Variants in AFG1L observed in about 807,000 individuals in gnomAD.
AFG1L encodes the protein AFG1 like ATPase, also known as AFG1-like ATPase.
AFG1L carries 53 observed loss-of-function variants against 62.2 expected under a neutral mutation model. That is an observed-to-expected ratio of 0.85 (90% CI 0.68 to 1.07). The LOEUF is 1.07. Ranked by LOEUF, AFG1L falls within the 50% of genes least tolerant of loss-of-function variation. AFG1L has a pLI of 0.00. For synonymous variants in AFG1L, 228 were observed against 210.3 expected, an observed-to-expected ratio of 1.08 and a Z score of -0.73; for missense variants, 555 against 590.5, an observed-to-expected ratio of 0.94 and a Z score of 0.62.
intron 6 of AFG1L, among the ~76,000 whole-genome samples, chr6:108,398,303 T>C (rs906456398): frequency 2.6e-5 from 4 of 152,238 alleles, no homozygotes; most frequent in Non-Finnish European, 4.4e-5. Context: ...TCAGATTTAT[T>C]AGATTTTTTC....
chr6:108,353,820 G>C (rs1779169326), intron 3 of AFG1L, among the ~76,000 whole-genome samples: 1 of 152,004 alleles, frequency 6.6e-6, no homozygotes, highest in African/African-American at 2.4e-5. Flanking sequence ...GAATATTTTT[G>C]CAATGAATGA....
At chr6:108,391,717 A>G (rs375924394) in intron 6 of AFG1L, among the ~76,000 whole-genome samples, 2 of 152,130 alleles carry the variant, frequency 1.3e-5, no homozygotes, top group East Asian at 3.8e-4. Context: ...GCCAATGTCT[A>G]GAAGGGTTTT....
In AFG1L at chr6:108,482,927, C is replaced by G. The variant is rs188112657; in HGVS notation, c.1062+5635C>G. On this transcript the variant is annotated intron_variant, in intron 10 of 12. Coordinates refer to ENST00000368977, the MANE Select transcript of AFG1L (RefSeq NM_145315.5). ...TTGCCCTAAAGTTATTCTTTCTCCC[C>G]CTTTCCACAGTGTACTCGTTGGCAG... Among the ~76,000 whole-genome samples, 17 of 152,216 alleles carry G rather than the reference C, an allele frequency of 1.1e-4. No homozygotes were observed. In the East Asian group the frequency reaches 3.1e-3, roughly 28 times the overall value.
chr6:108,497,015 T>C (rs924457662), intron 10 of AFG1L, among the ~76,000 whole-genome samples: 2 of 152,208 alleles, frequency 1.3e-5, no homozygotes, highest in Non-Finnish European at 2.9e-5. Flanking sequence ...TGTTATCAGA[T>C]ATTAAAGTTG....
At chr6:108,330,189 T>TTA (rs1425276407) in intron 2 of AFG1L, among the ~76,000 whole-genome samples, 1 of 149,274 alleles carries the variant, frequency 6.7e-6, no homozygotes, top group Non-Finnish European at 1.5e-5. Context: ...TTTATTTTTT[T>TTA]TTTTTTTTTG....
intron 7 of AFG1L, among the ~76,000 whole-genome samples, chr6:108,402,291 C>T (rs558989864): frequency 5.3e-5 from 8 of 151,946 alleles, no homozygotes; most frequent in South Asian, 2.1e-4. Context: ...GGTGAAACCC[C>T]GTCTCTATTA....
chr6:108,332,118 T>C (rs548237775), intron 2 of AFG1L, among the ~76,000 whole-genome samples: 46 of 152,340 alleles, frequency 3.0e-4, no homozygotes, highest in Admixed American at 5.2e-4. Flanking sequence ...TAAATAACTG[T>C]ATTCCAATAA....
intron 2 of AFG1L, among the ~76,000 whole-genome samples, chr6:108,332,083 A>G (rs1778296664): frequency 1.3e-5 from 2 of 152,206 alleles, no homozygotes; most frequent in Non-Finnish European, 2.9e-5. Context: ...CTACCATTGC[A>G]CTCAGAGCAG....
chr6:108,509,432 A>C (rs571392912), intron 10 of AFG1L, among the ~76,000 whole-genome samples: 1 of 152,236 alleles, frequency 6.6e-6, no homozygotes, highest in Non-Finnish European at 1.5e-5. Flanking sequence ...GATGATTTTC[A>C]TACTGAAGCA....
intron 5 of AFG1L, among the ~76,000 whole-genome samples, chr6:108,361,522 A>G (rs1315244577): frequency 4.0e-5 from 6 of 151,700 alleles, no homozygotes. Flanking sequence ...AGGACGGGGT[A>G]ACTATGTTTG....
chr6:108,463,045 G>T (rs921602949), intron 8 of AFG1L, among the ~76,000 whole-genome samples: 5 of 151,862 alleles, frequency 3.3e-5, no homozygotes, highest in Non-Finnish European at 5.9e-5. Context: ...ATCCAGCACT[G>T]TGGGAGGCTG....
At chr6:108,333,220 G>C (rs188177098) in intron 2 of AFG1L, among the ~76,000 whole-genome samples, 1,779 of 151,790 alleles carry the variant, frequency 0.012, 27 homozygotes, top group African/African-American at 0.038. Flanking sequence ...GACCAACCTG[G>C]CCAACATGGT....
intron 6 of AFG1L, among the ~76,000 whole-genome samples, chr6:108,401,524 C>T (rs893203177): frequency 6.6e-6 from 1 of 152,112 alleles, no homozygotes; most frequent in Admixed American, 6.6e-5. Context: ...AACTCCTGAC[C>T]TCAAGTGGCC....
chr6:108,365,755 A>G (rs2114496337), intron 5 of AFG1L, among the ~76,000 whole-genome samples: 1 of 152,184 alleles, frequency 6.6e-6, no homozygotes, highest in East Asian at 1.9e-4. Context: ...CCTTATTTCT[A>G]AAGGCCCATG....
chr6:108,416,307 T>C (rs1219517168), intron 7 of AFG1L, among the ~76,000 whole-genome samples: 2 of 152,136 alleles, frequency 1.3e-5, no homozygotes, highest in African/African-American at 2.4e-5. Flanking sequence ...GAAATAGGAA[T>C]GCTTTTACAC....
intron 1 of AFG1L, among the ~76,000 whole-genome samples, chr6:108,296,058 A>AT (rs1328786385): frequency 6.6e-6 from 1 of 152,184 alleles, no homozygotes; most frequent in Non-Finnish European, 1.5e-5. Flanking sequence ...TAATAGATTG[A>AT]TAGACCTTAA....
In AFG1L at chr6:108,411,886, C is replaced by T. The variant is rs373294926; in HGVS notation, c.807+9832C>T. On this transcript the variant is annotated intron_variant, in intron 7 of 12. Coordinates refer to ENST00000368977, the MANE Select transcript of AFG1L (RefSeq NM_145315.5). Reference sequence around the variant, plus strand: ...AAGGAACGCAGCTCCTCGCCAGCAACGGAACAAAGCTGGACAGAGAATGAC... The same window carrying T: ...AAGGAACGCAGCTCCTCGCCAGCAATGGAACAAAGCTGGACAGAGAATGAC... 1.4e-3 allele frequency among the ~76,000 whole-genome samples: 219 copies of T among 152,318 alleles called. 1 individual carries two copies. Among genetic ancestry groups the T allele is most frequent in the Non-Finnish European group, 2.4e-3 (164 of 68,034 alleles).
chr6:108,361,396 A>T (rs1419229566), intron 5 of AFG1L, among the ~76,000 whole-genome samples: 2 of 152,232 alleles, frequency 1.3e-5, no homozygotes, highest in East Asian at 3.8e-4. Context: ...AATGAGTCAG[A>T]AGGCCAGTCT....
At chr6:108,377,155 G>A (rs986975435) in intron 6 of AFG1L, among the ~76,000 whole-genome samples, 4 of 151,756 alleles carry the variant, frequency 2.6e-5, no homozygotes, top group Non-Finnish European at 1.5e-5. Flanking sequence ...TGTGAGATGC[G>A]TCTCTTGAAG....
Sources: allele counts gnomAD v4.1 joint callset (sites outside exome capture counted in the v4.1 genomes callset), GRCh38; gene constraint gnomAD v4.1.1; transcripts MANE v1.5; gene names NCBI Gene and HGNC (gene_info 2026-07-23, HGNC 2026-07-21).